TNFRSF1A: variants seen among roughly 807,000 people sequenced by gnomAD.
TNFRSF1A encodes tumor necrosis factor receptor superfamily member 1A.
TNFRSF1A carries 9 observed loss-of-function variants against 41.6 expected under a neutral mutation model. The ratio of observed to expected loss-of-function variants is 0.22; its 90% confidence interval spans 0.13 to 0.38. The LOEUF is 0.38. Ranked by LOEUF, TNFRSF1A falls within the 10% of genes least tolerant of loss-of-function variation. TNFRSF1A has a pLI of 1.00. For missense variants in TNFRSF1A, 463 were observed against 591.5 expected (o/e 0.78, Z 2.25); for synonymous variants, 254 against 248.6 (o/e 1.02, Z -0.21).
At position 6,329,266 on chromosome 12, in the gene TNFRSF1A, G is replaced by GCGATCT; in HGVS notation, c.*40_*45dup. ...TTCCAGAAAAAAGTGGGGTTGGAAG[G>GCGATCT]CGATCTCGCAGGACGGTCCTTAGAG... On this transcript the variant is annotated 3_prime_UTR_variant, in exon 10 of 10. Transcript: ENST00000162749. 7.0e-7 allele frequency: 1 copy of GCGATCT among 1,426,964 alleles called. No individual in the cohort carries two copies. The highest frequency in any genetic ancestry group is 9.1e-7 in the Non-Finnish European group (1 of 1,096,822). The allele number at this position is 1,426,964 out of a possible 1,614,324, so 88.4% of individuals were successfully genotyped here.
At chr12:6,339,111 T>G (rs531845251) in intron 1 of TNFRSF1A, among the ~76,000 whole-genome samples, 1 of 152,260 alleles carries the variant, frequency 6.6e-6, no homozygotes, top group Non-Finnish European at 1.5e-5. Flanking sequence ...CTCAACATGG[T>G]TTTTCCACTC....
At chr12:6,331,596 G>A in intron 5 of TNFRSF1A, 1 of 170,378 alleles carries the variant, frequency 5.9e-6, no homozygotes, top group Non-Finnish European at 1.3e-5. Flanking sequence ...GGTGGTGCTG[G>A]AAGGAACTTG....
At position 6,334,927 on chromosome 12, in the gene TNFRSF1A, C is replaced by T. The variant is rs1470876120; in HGVS notation, c.40-683G>A. Among the ~76,000 whole-genome samples the T allele has an allele frequency of 6.6e-6, 1 of 152,174 alleles. No individual in the cohort carries two copies. Among genetic ancestry groups the T allele is most frequent in the East Asian group, 1.9e-4 (1 of 5,192 alleles). On this transcript the variant is annotated intron_variant, in intron 1 of 9. Coordinates refer to ENST00000162749, the MANE Select transcript of TNFRSF1A (RefSeq NM_001065.4). This position sits in a 1 kb window ranked among gnomAD's most constrained non-coding sequence, Gnocchi z 5.1. ...ATGGCCCCTTCTTCCAACAAGCAGC[C>T]CTAAAGATTGGGGCGGTGTTTCTCC... is the stretch of plus-strand genomic sequence containing the variant.
chr12:6,340,847 C>T (rs1187459532), intron 1 of TNFRSF1A, among the ~76,000 whole-genome samples: 1 of 152,144 alleles, frequency 6.6e-6, no homozygotes, highest in Non-Finnish European at 1.5e-5. Flanking sequence ...GGAGGACGAT[C>T]AAGGATACAT....
At chr12:6,331,590 G>C in intron 5 of TNFRSF1A, 1 of 171,516 alleles carries the variant, frequency 5.8e-6, no homozygotes. Context: ...CTATGGGGTG[G>C]TGCTGGAAGG....
At position 6,333,706 on chromosome 12, in the gene TNFRSF1A, C is replaced by T. The variant is rs1349744635; in HGVS notation, c.322+31G>A. ...CAGGCACCCACACACCACTCAAGAC[C>T]CGCCTGACTCTCCTGCCTGTGCACA... On this transcript the variant is annotated intron_variant, in intron 3 of 9. Transcript: ENST00000162749. The surrounding 1 kb of genome is among the most constrained non-coding windows in gnomAD (Gnocchi z 6.3). The T allele has an allele frequency of 6.4e-7, 1 of 1,562,546 alleles. No homozygotes were observed. The highest frequency in any genetic ancestry group is 8.7e-7 in the Non-Finnish European group (1 of 1,152,580).
Position 6,329,992 on chromosome 12 carries a change from G to A in TNFRSF1A, c.843C>T (p.Pro281=), listed in dbSNP as rs763929217. 6.3e-7 allele frequency: 1 copy of A among 1,599,208 alleles called. No individual in the cohort carries two copies. The highest frequency in any genetic ancestry group is 8.5e-7 in the Non-Finnish European group (1 of 1,171,678). ...PSFSPTPGFT[P]TLGFSPVPSS... ...TGGGCACGGGACTGAAGCCCAGGGT[G>A]GGGGTGAAGCCTGGAGTGGGACTGA... is the stretch of plus-strand genomic sequence containing the variant. Residue 281 remains proline, a synonymous_variant, in exon 9 of 10, where the codon CCC becomes CCT. Coordinates refer to ENST00000162749, the MANE Select transcript of TNFRSF1A (RefSeq NM_001065.4).
chr12:6,329,237 T>A lies in TNFRSF1A; in HGVS notation c.*75A>T. On this transcript the variant is annotated 3_prime_UTR_variant, in exon 10 of 10. Coordinates refer to ENST00000162749, the MANE Select transcript of TNFRSF1A (RefSeq NM_001065.4). Reference sequence around the variant, plus strand: ...CTCCTGCTTGCCCCTGCAGGACCCCTCCTTTCCAGAAAAAAGTGGGGTTGG... The same window carrying A: ...CTCCTGCTTGCCCCTGCAGGACCCCACCTTTCCAGAAAAAAGTGGGGTTGG... The A allele has an allele frequency of 1.4e-6, 2 of 1,397,256 alleles. No homozygotes were observed. The highest frequency in any genetic ancestry group is 1.9e-6 in the Non-Finnish European group (2 of 1,070,062). The allele number at this position is 1,397,256 out of a possible 1,614,324, so 86.6% of individuals were successfully genotyped here. A position where few individuals can be genotyped will look rare whatever the true frequency, so the allele number is the denominator to read the frequency against.
chr12:6,330,803 A>C (rs760828824), intron 6 of TNFRSF1A, 50 bp downstream of exon 6: 14 of 1,594,830 alleles, frequency 8.8e-6, no homozygotes, highest in Non-Finnish European at 1.2e-5. Context: ...GGTGGGGGCA[A>C]GAAGAGGGAG....
intron 1 of TNFRSF1A, among the ~76,000 whole-genome samples, chr12:6,335,596 C>T (rs925564340): frequency 6.6e-6 from 1 of 152,140 alleles, no homozygotes; most frequent in Non-Finnish European, 1.5e-5. Context: ...TTCTGGTTTT[C>T]CCTGGGCTTC....
chr12:6,329,908 A>C lies in TNFRSF1A; in HGVS notation c.927T>G (p.Ala309=), dbSNP rs1382169983. 3 of 1,574,794 alleles carry C rather than the reference A, an allele frequency of 1.9e-6. No individual in the cohort carries two copies. The highest frequency in any genetic ancestry group is 3.8e-5 in the Admixed American group (2 of 53,096). The change falls in exon 9 of 10, where the codon GCT becomes GCG. Residue 309 remains alanine, a synonymous_variant. Coordinates refer to ENST00000162749, the MANE Select transcript of TNFRSF1A (RefSeq NM_001065.4). ...AGGGTGGTGCCACCTCTCTGCGGGG[A>C]GCCGCAAAGTTGGGACAGTCACCGG... ...YTPGDCPNFA[A]PRREVAPPYQ...
At chr12:6,330,558 C>A (rs1412468531) in intron 7 of TNFRSF1A, 40 bp downstream of exon 7, 8 of 1,485,996 alleles carry the variant, frequency 5.4e-6, no homozygotes, top group East Asian at 4.6e-5. Context: ...TCCTCCCTCA[C>A]CCCCACCAGC....
intron 8 of TNFRSF1A, 88 bp downstream of exon 8, chr12:6,330,179 T>C: frequency 3.1e-6 from 5 of 1,611,066 alleles, no homozygotes; most frequent in Non-Finnish European, 3.4e-6. Flanking sequence ...CCCCGGAAAG[T>C]GAAGGATGAT....
At chr12:6,330,966 A>G in intron 5 of TNFRSF1A, 40 bp from the exon 6 acceptor site, 3 of 1,563,482 alleles carry the variant, frequency 1.9e-6, no homozygotes, top group South Asian at 1.1e-5. Context: ...AGGCCCTACC[A>G]TTGGAGGAAC....
Position 6,330,607 on chromosome 12 carries a change from A to G in TNFRSF1A, c.730T>C (p.Tyr244His). Residue 244 changes from tyrosine to histidine, a missense_variant, in exon 7 of 10, where the codon TAC (tyrosine) becomes CAC (histidine). Transcript: ENST00000162749. Reference protein sequence around the residue: ...YRYQRWKSKLYSIVCGKSTPE... With the variant: ...YRYQRWKSKLHSIVCGKSTPE... ...CAAAGCCCCCACTCACCAATGGAGT[A>G]GAGCTTGGACTTCCACCGTTGGTAG... 6.2e-7 allele frequency: 1 copy of G among 1,611,550 alleles called. No individual in the cohort carries two copies. Among genetic ancestry groups the G allele is most frequent in the African/African-American group, 1.3e-5 (1 of 75,006 alleles).
intron 1 of TNFRSF1A, among the ~76,000 whole-genome samples, chr12:6,339,376 T>TCC (rs1948158191): frequency 6.6e-6 from 1 of 152,170 alleles, no homozygotes; most frequent in Admixed American, 6.5e-5. Flanking sequence ...ATGTGACAGG[T>TCC]CCCGTATGGG....
At position 6,329,965 on chromosome 12, in the gene TNFRSF1A, A is replaced by G. The variant is rs749746986; in HGVS notation, c.870T>C (p.Ser290=). Residue 290 remains serine, a synonymous_variant, in exon 9 of 10, where the codon AGT becomes AGC. Transcript: ENST00000162749. ...AGGTGGAGCTGGAGGTGAAGGTGGA[A>G]CTGGGCACGGGACTGAAGCCCAGGG... ...TPTLGFSPVP[S]STFTSSSTYT... 2 of 1,581,804 alleles carry G rather than the reference A, an allele frequency of 1.3e-6. No homozygotes were observed. Among genetic ancestry groups the G allele is most frequent in the South Asian group, 1.1e-5 (1 of 88,318 alleles).
At position 6,333,985 on chromosome 12, in the gene TNFRSF1A, C is replaced by T; in HGVS notation, c.193+106G>A. The T allele has an allele frequency of 6.2e-7, 1 of 1,611,050 alleles. No individual in the cohort carries two copies. The highest frequency in any genetic ancestry group is 8.5e-7 in the Non-Finnish European group (1 of 1,177,682). On this transcript the variant is annotated intron_variant, in intron 2 of 9. Coordinates refer to ENST00000162749, the MANE Select transcript of TNFRSF1A (RefSeq NM_001065.4). This position sits in a 1 kb window ranked among gnomAD's most constrained non-coding sequence, Gnocchi z 6.3. ...CTAGGAGAGGAGGGAGGGAGAAAAT[C>T]CCAGCCCAGGAGAGACAGCAAAGTT...
chr12:6,333,626 A>C lies in TNFRSF1A; in HGVS notation c.323-110T>G. ...CTGTAATACACACTCACATCCATGC[A>C]GTGTCCCACCAAAACACACACCTTC... is the stretch of plus-strand genomic sequence containing the variant. On this transcript the variant is annotated intron_variant, in intron 3 of 9. Coordinates refer to ENST00000162749, the MANE Select transcript of TNFRSF1A (RefSeq NM_001065.4). The surrounding 1 kb of genome is among the most constrained non-coding windows in gnomAD (Gnocchi z 6.3). 6.3e-7 allele frequency: 1 copy of C among 1,580,648 alleles called. No homozygotes were observed. The highest frequency in any genetic ancestry group is 8.6e-7 in the Non-Finnish European group (1 of 1,161,708).
Sources: allele counts gnomAD v4.1 joint callset (sites outside exome capture counted in the v4.1 genomes callset), GRCh38; gene constraint gnomAD v4.1.1; non-coding constraint Gnocchi (gnomAD v3.1); transcripts MANE v1.5; gene names NCBI Gene and HGNC (gene_info 2026-07-23, HGNC 2026-07-21).